The following BNC2 variants were observed in gnomAD, a reference collection of about 807,000 sequenced individuals.
BNC2 encodes the protein basonuclin zinc finger protein 2.
Under a neutral mutation model 76.3 loss-of-function variants are expected in BNC2, and 20 were observed. The observed-to-expected ratio is 0.26, with a 90% CI of 0.18 to 0.38. BNC2 has a LOEUF of 0.38. BNC2 is among the 10% of genes least tolerant of loss of function. The probability of loss-of-function intolerance (pLI) is 1.00; values close to 1 mark genes in which losing one functional copy is unlikely to be tolerated. For synonymous variants in BNC2, 582 were observed against 514.8 expected (o/e 1.13, Z -1.77); for missense variants, 1,382 against 1,399.8 (o/e 0.99, Z 0.20).
chr9:16,839,601 C>T (rs79736306), intron 1 of BNC2, among the ~76,000 whole-genome samples: 3,713 of 152,268 alleles, frequency 0.024, 71 homozygotes, highest in Non-Finnish European at 0.039. Context: ...GCTGCGCACT[C>T]TCTAGCTCTC....
At chr9:16,440,340 C>G (rs1379789454) in intron 5 of BNC2, among the ~76,000 whole-genome samples, 3 of 152,152 alleles carry the variant, frequency 2.0e-5, no homozygotes, top group Non-Finnish European at 2.9e-5. Flanking sequence ...TAGTAAAGAG[C>G]AGGACTTCTG....
chr9:16,788,249 A>G (rs1033270053), intron 1 of BNC2, among the ~76,000 whole-genome samples: 4 of 152,010 alleles, frequency 2.6e-5, no homozygotes, highest in African/African-American at 9.7e-5. Context: ...GGCTGATGAC[A>G]CTCCATAAAG....
In BNC2 at chr9:16,853,437, C is replaced by T. The variant is rs554001282; in HGVS notation, c.3+17209G>A. ...AAAAAAAAAAAAGCATAATGACACT[C>T]ATTTTAACTAGTTCTTTGATTTTCA... is the stretch of plus-strand genomic sequence containing the variant. On this transcript the variant is annotated intron_variant, in intron 1 of 6. Coordinates refer to ENST00000380672, the MANE Select transcript of BNC2 (RefSeq NM_017637.6). 3.3e-5 allele frequency among the ~76,000 whole-genome samples: 5 copies of T among 151,632 alleles called. No homozygotes were observed. In the South Asian group the frequency reaches 8.3e-4, roughly 25 times the overall value.
intron 5 of BNC2, among the ~76,000 whole-genome samples, chr9:16,474,787 A>G (rs1821895568): frequency 6.6e-6 from 1 of 152,230 alleles, no homozygotes; most frequent in East Asian, 1.9e-4. Context: ...AAACTGAGTT[A>G]TTTGTAGAAG....
At chr9:16,773,718 C>G (rs1414213596) in intron 1 of BNC2, among the ~76,000 whole-genome samples, 1 of 152,166 alleles carries the variant, frequency 6.6e-6, no homozygotes, top group Non-Finnish European at 1.5e-5. Context: ...ACTTTCCGTT[C>G]ATCTTACACT....
At chr9:16,560,892 A>T (rs1818991769) in intron 4 of BNC2, among the ~76,000 whole-genome samples, 1 of 152,238 alleles carries the variant, frequency 6.6e-6, no homozygotes, top group Non-Finnish European at 1.5e-5. Flanking sequence ...TTGGCCACAG[A>T]GCCAGAACCA....
At chr9:16,807,499 G>T (rs1197261155) in intron 1 of BNC2, among the ~76,000 whole-genome samples, 1 of 152,140 alleles carries the variant, frequency 6.6e-6, no homozygotes, top group Non-Finnish European at 1.5e-5. Context: ...AAAGATGGAA[G>T]TTTTACTGGG....
intron 1 of BNC2, among the ~76,000 whole-genome samples, chr9:16,863,146 C>T (rs943714346): frequency 2.0e-5 from 3 of 151,996 alleles, no homozygotes; most frequent in African/African-American, 4.8e-5. Context: ...AACTCCTGAC[C>T]TTGTGATCCA....
Position 16,801,132 on chromosome 9 carries a change from G to A in BNC2, c.4-62647C>T, listed in dbSNP as rs4433240. ...AAGTATATCCCCTACACAATTCTCCGTATTTCTGATTTCTTCCTCCTTTTT... is the reference window on the plus strand; with the variant it reads ...AAGTATATCCCCTACACAATTCTCCATATTTCTGATTTCTTCCTCCTTTTT... On this transcript the variant is annotated intron_variant, in intron 1 of 6. Transcript: ENST00000380672. 2.9e-3 allele frequency among the ~76,000 whole-genome samples: 443 copies of A among 152,112 alleles called. 1 individual carries two copies. The highest frequency in any genetic ancestry group is 9.2e-3 in the African/African-American group (382 of 41,468).
At chr9:16,441,153 A>C (rs1821120697) in intron 5 of BNC2, among the ~76,000 whole-genome samples, 1 of 152,134 alleles carries the variant, frequency 6.6e-6, no homozygotes, top group Admixed American at 6.6e-5. Flanking sequence ...AAAATTAAAA[A>C]ACTAGCCAAG....
chr9:16,514,572 C>G (rs1347070685), intron 5 of BNC2, among the ~76,000 whole-genome samples: 2 of 152,130 alleles, frequency 1.3e-5, no homozygotes. Context: ...AATCTGTTAT[C>G]TGTATCATAA....
intron 3 of BNC2, among the ~76,000 whole-genome samples, chr9:16,628,195 C>G (rs1821052054): frequency 6.6e-6 from 1 of 152,172 alleles, no homozygotes; most frequent in Admixed American, 6.5e-5. Context: ...GTGGGACCAG[C>G]TTAGAACAAG....
chr9:16,622,151 A>G (rs11788893), intron 3 of BNC2, among the ~76,000 whole-genome samples: 14,126 of 152,220 alleles, frequency 0.093, 926 homozygotes, highest in Non-Finnish European at 0.15. Context: ...TCTAAATTTT[A>G]TAGCTCCCCA....
intron 1 of BNC2, among the ~76,000 whole-genome samples, chr9:16,755,615 G>A (rs967213379): frequency 2.0e-5 from 3 of 151,940 alleles, no homozygotes; most frequent in Non-Finnish European, 4.4e-5. Flanking sequence ...ACTACCTGTT[G>A]ACGGCTAGTA....
At chr9:16,818,705 T>C (rs959813964) in intron 1 of BNC2, among the ~76,000 whole-genome samples, 3 of 152,180 alleles carry the variant, frequency 2.0e-5, no homozygotes, top group African/African-American at 7.2e-5. Flanking sequence ...TTACTGTTGT[T>C]GTTTTGAGAT....
At chr9:16,533,767 T>C (rs1467941811) in intron 5 of BNC2, among the ~76,000 whole-genome samples, 1 of 152,154 alleles carries the variant, frequency 6.6e-6, no homozygotes, top group Non-Finnish European at 1.5e-5. Context: ...TGTAACTAAA[T>C]AGCAAATGCC....
At chr9:16,622,092 T>A (rs1382662179) in intron 3 of BNC2, among the ~76,000 whole-genome samples, 1 of 152,136 alleles carries the variant, frequency 6.6e-6, no homozygotes, top group Non-Finnish European at 1.5e-5. Flanking sequence ...CTTAACCTCC[T>A]GAGCTTCATC....
intron 1 of BNC2, among the ~76,000 whole-genome samples, chr9:16,815,179 T>C (rs966784103): frequency 6.6e-6 from 1 of 152,040 alleles, no homozygotes; most frequent in Non-Finnish European, 1.5e-5. Flanking sequence ...GTCAAGGAGA[T>C]AGAGGAAAAG....
chr9:16,801,030 G>C (rs889548248), intron 1 of BNC2, among the ~76,000 whole-genome samples: 1 of 151,996 alleles, frequency 6.6e-6, no homozygotes, highest in Non-Finnish European at 1.5e-5. Context: ...AACCTGACTA[G>C]ATGAAAAAAG....
Sources: allele counts gnomAD v4.1 joint callset (sites outside exome capture counted in the v4.1 genomes callset), GRCh38; gene constraint gnomAD v4.1.1; transcripts MANE v1.5; gene names NCBI Gene and HGNC (gene_info 2026-07-23, HGNC 2026-07-21).